Variants in GRXCR2 observed in about 807,000 individuals in gnomAD.
GRXCR2 encodes the protein glutaredoxin domain-containing cysteine-rich protein 2.
In GRXCR2, 23 loss-of-function variants were observed where a neutral mutation model predicts 24.8. The ratio of observed to expected loss-of-function variants is 0.93; its 90% CI spans 0.67 to 1.32. GRXCR2 has a LOEUF of 1.32. Ranked by LOEUF, GRXCR2 falls within the 40% of genes most tolerant of loss-of-function variation. The pLI is 0.00. For synonymous variants in GRXCR2, 130 were observed against 116.1 expected (o/e 1.12, Z -0.77); for missense variants, 315 against 303.4 (o/e 1.04, Z -0.28).
At chr5:145,896,202 C>A (rs1466980588) in intron 2 of GRXCR2, among the ~76,000 whole-genome samples, 1 of 152,046 alleles carries the variant, frequency 6.6e-6, no homozygotes, top group African/African-American at 2.4e-5. Context: ...TAGGCATTAC[C>A]ATTCAGGACA....
At chr5:145,915,733 CAA>C (rs146457357) in intron 2 of GRXCR2, among the ~76,000 whole-genome samples, 154 of 134,806 alleles carry the variant, frequency 1.1e-3, no homozygotes, top group African/African-American at 3.8e-3. Flanking sequence ...CACTTCATCT[CAA>C]AAAAAAAAAA....
chr5:145,891,662 C>A (rs1756866216), intron 2 of GRXCR2, among the ~76,000 whole-genome samples: 1 of 152,190 alleles, frequency 6.6e-6, no homozygotes, highest in Admixed American at 6.5e-5. Flanking sequence ...GAGCCCACTG[C>A]AGCTCAAGGA....
At chr5:145,863,226 T>G (rs1301827219) in intron 2 of GRXCR2, among the ~76,000 whole-genome samples, 1 of 152,242 alleles carries the variant, frequency 6.6e-6, no homozygotes, top group African/African-American at 2.4e-5. Context: ...AAAGAGGCTC[T>G]TGGTCAGAAG....
Position 145,860,286 on chromosome 5 carries a change from G to T in GRXCR2, c.565-371C>A, listed in dbSNP as rs1209988552. On this transcript the variant is annotated intron_variant, in intron 2 of 2. Coordinates refer to ENST00000377976, the MANE Select transcript of GRXCR2 (RefSeq NM_001080516.2). ...AACCCTTGTAGCATGCCTGATAGGTGCCAGGTGCTGTTCTAAGTGCTTCCT... is the reference window on the plus strand; with the variant it reads ...AACCCTTGTAGCATGCCTGATAGGTTCCAGGTGCTGTTCTAAGTGCTTCCT... Among the ~76,000 whole-genome samples the T allele has an allele frequency of 3.3e-5, 5 of 152,276 alleles. No homozygotes were observed. In the East Asian group the frequency reaches 9.6e-4, roughly 29 times the overall value.
intron 2 of GRXCR2, among the ~76,000 whole-genome samples, chr5:145,913,669 T>C (rs1030489380): frequency 2.2e-4 from 34 of 152,030 alleles, no homozygotes; most frequent in African/African-American, 7.5e-4. Flanking sequence ...GGGACAAAGA[T>C]CTTTTCATTT....
upstream of GRXCR2, among the ~76,000 whole-genome samples, chr5:145,876,193 A>G (rs111645560): frequency 0.011 from 1,332 of 120,374 alleles, 8 homozygotes; most frequent in African/African-American, 0.022. Flanking sequence ...GTGTGTGTGT[A>G]TATATATATA....
At chr5:145,858,134 C>T (rs1756268183), downstream of GRXCR2, among the ~76,000 whole-genome samples, 1 of 151,892 alleles carries the variant, frequency 6.6e-6, no homozygotes, top group Non-Finnish European at 1.5e-5. Context: ...GCCAACATGA[C>T]GAAACCCCGT....
chr5:145,901,864 G>A (rs182323875), intron 2 of GRXCR2, among the ~76,000 whole-genome samples: 2 of 152,308 alleles, frequency 1.3e-5, no homozygotes, highest in East Asian at 1.9e-4. Flanking sequence ...GAAGATGATT[G>A]CAAACATCTG....
chr5:145,866,827 C>T (rs1756446065), intron 1 of GRXCR2, 99 bp from the exon 2 acceptor site: 2 of 720,810 alleles, frequency 2.8e-6, no homozygotes, highest in African/African-American at 1.8e-5. Flanking sequence ...AGAGAAGGAA[C>T]TTCTACCACC....
Position 145,859,608 on chromosome 5 carries a change from C to G in GRXCR2, c.*125G>C. 1.3e-6 allele frequency: 1 copy of G among 790,030 alleles called. No individual in the cohort carries two copies. The allele number at this position is 790,030 out of a possible 1,614,324, so 48.9% of individuals were successfully genotyped here. A position where few individuals can be genotyped will look rare whatever the true frequency, so the allele number is the denominator to read the frequency against. On this transcript the variant is annotated 3_prime_UTR_variant, in exon 3 of 3. Transcript: ENST00000377976. ...TCATCAGATAATTGAGTTTTGCCAG[C>G]AGTGGGAGTGACTGCAGCCACTGTG...
At chr5:145,907,355 C>A (rs936311589) in intron 2 of GRXCR2, among the ~76,000 whole-genome samples, 1 of 151,956 alleles carries the variant, frequency 6.6e-6, no homozygotes, top group East Asian at 1.9e-4. Context: ...ATGGGGAAAC[C>A]CCATCTCTAC....
intron 2 of GRXCR2, among the ~76,000 whole-genome samples, chr5:145,903,534 A>G (rs1409489710): frequency 1.3e-5 from 2 of 152,120 alleles, no homozygotes; most frequent in African/African-American, 4.8e-5. Flanking sequence ...AGAGTCAAAA[A>G]AAAAAAAAGA....
At chr5:145,869,653 G>C (rs1404187611) in intron 1 of GRXCR2, among the ~76,000 whole-genome samples, 1 of 151,696 alleles carries the variant, frequency 6.6e-6, no homozygotes, top group Admixed American at 6.6e-5. Flanking sequence ...CGCCTCACGG[G>C]TTCACACCAT....
At chr5:145,871,741 A>G (rs1756534706) in intron 1 of GRXCR2, among the ~76,000 whole-genome samples, 1 of 152,248 alleles carries the variant, frequency 6.6e-6, no homozygotes, top group Admixed American at 6.5e-5. Flanking sequence ...CCCTTAGGAA[A>G]CTAACAATAA....
chr5:145,915,075 C>T (rs1291479281), intron 2 of GRXCR2, among the ~76,000 whole-genome samples: 1 of 152,142 alleles, frequency 6.6e-6, no homozygotes, highest in Non-Finnish European at 1.5e-5. Flanking sequence ...CTTAAGTGAT[C>T]TTAACCTACC....
intron 2 of GRXCR2, among the ~76,000 whole-genome samples, chr5:145,884,627 TG>T (rs1485012552): frequency 7.0e-6 from 1 of 143,634 alleles, no homozygotes; most frequent in Non-Finnish European, 1.5e-5. Context: ...AAAGTAAAAA[TG>T]AAAAAAAAAA....
chr5:145,883,281 C>T (rs7711484), intron 2 of GRXCR2, among the ~76,000 whole-genome samples: 32,574 of 151,970 alleles, frequency 0.21, 3,864 homozygotes, highest in Non-Finnish European at 0.27. Flanking sequence ...GATTTTTATG[C>T]TTTCTCACAT....
At chr5:145,876,371 G>C (rs1756619353), upstream of GRXCR2, among the ~76,000 whole-genome samples, 1 of 150,394 alleles carries the variant, frequency 6.6e-6, no homozygotes, top group Non-Finnish European at 1.5e-5. Context: ...CTGCCTCCTG[G>C]GCTCAAGCAA....
chr5:145,865,185 A>G (rs10515562), intron 2 of GRXCR2, among the ~76,000 whole-genome samples: 5,639 of 152,258 alleles, frequency 0.037, 121 homozygotes, highest in South Asian at 0.053. Flanking sequence ...ATTTTTTCAT[A>G]GCAATCCCAG....
Sources: gnomAD v4.1 joint callset for allele counts (sites outside exome capture counted in the v4.1 genomes callset) on GRCh38, gnomAD v4.1.1 for gene constraint, MANE v1.5 for transcripts, NCBI Gene and HGNC (gene_info 2026-07-23, HGNC 2026-07-21) for gene names.